SNX29: variants seen among roughly 807,000 people sequenced by gnomAD.
SNX29 encodes sorting nexin 29, also known as sorting nexin-29.
In SNX29, 78 loss-of-function variants were observed where a neutral mutation model predicts 102.1. The observed-to-expected ratio is 0.76, with a 90% confidence interval of 0.64 to 0.92. SNX29 has a LOEUF of 0.92. SNX29 is among the 40% of genes least tolerant of loss of function. SNX29 has a pLI of 0.00. For missense variants in SNX29, 1,280 were observed against 1,061.7 expected, an observed-to-expected ratio of 1.21 and a Z score of -2.86; for synonymous variants, 580 against 414.5, an observed-to-expected ratio of 1.40 and a Z score of -4.85.
intron 20 of SNX29, among the ~76,000 whole-genome samples, chr16:12,551,505 C>T (rs980347311): frequency 3.9e-5 from 6 of 152,210 alleles, no homozygotes; most frequent in African/African-American, 1.4e-4. Context: ...CTTTGGGCCT[C>T]AGCATCAGGA....
At chr16:12,389,873 G>A (rs148831327) in intron 16 of SNX29, among the ~76,000 whole-genome samples, 33 of 152,330 alleles carry the variant, frequency 2.2e-4, no homozygotes, top group Middle Eastern at 3.4e-3. Flanking sequence ...CCACTGTAAG[G>A]CTGCTCATTG....
At chr16:12,218,018 T>C (rs996962210) in intron 14 of SNX29, among the ~76,000 whole-genome samples, 3 of 152,228 alleles carry the variant, frequency 2.0e-5, no homozygotes, top group Admixed American at 2.0e-4. Context: ...GGACAATTTT[T>C]AGCTGGAGAG....
intron 3 of SNX29, among the ~76,000 whole-genome samples, chr16:12,022,052 T>A (rs1007557424): frequency 6.6e-6 from 1 of 151,692 alleles, no homozygotes; most frequent in African/African-American, 2.4e-5. Context: ...ACAACTCTTT[T>A]GCTGCTTTAT....
At chr16:12,013,500 A>AAATATAT in intron 3 of SNX29, among the ~76,000 whole-genome samples, 16 of 31,606 alleles carry the variant, frequency 5.1e-4, no homozygotes, top group African/African-American at 8.8e-4. Context: ...AAAAAAAAAA[A>AAATATAT]ATATATATAT....
chr16:12,561,995 G>T (rs1465552513), intron 20 of SNX29, among the ~76,000 whole-genome samples: 2 of 152,182 alleles, frequency 1.3e-5, no homozygotes, highest in Middle Eastern at 3.2e-3. Context: ...TGGTGACAAT[G>T]GACCCTGCAA....
chr16:12,401,488 C>G (rs1247979825), intron 17 of SNX29, among the ~76,000 whole-genome samples: 2 of 151,622 alleles, frequency 1.3e-5, no homozygotes, highest in South Asian at 2.1e-4. Context: ...CTCAGCCTCC[C>G]AAGTAGCTGG....
At chr16:11,977,391 C>A (rs2055325941) in intron 1 of SNX29, 1 of 153,162 alleles carries the variant, frequency 6.5e-6, no homozygotes, top group African/African-American at 2.4e-5. Flanking sequence ...ACCCCTGTTC[C>A]CAGTGCTTTG....
intron 18 of SNX29, among the ~76,000 whole-genome samples, chr16:12,415,588 A>C (rs974591576): frequency 1.3e-5 from 2 of 152,228 alleles, no homozygotes; most frequent in Non-Finnish European, 2.9e-5. Context: ...GCACTATGCC[A>C]GGCCCAGCGT....
Position 12,570,068 on chromosome 16 carries a change from T to A in SNX29, c.*1439T>A. ...GCTCGAGGACATCTCTGGAGAATCA[T>A]CTGGAAGGTTTATACTGTGCCTTCC... On this transcript the variant is annotated 3_prime_UTR_variant, in exon 21 of 21. Transcript: ENST00000566228. 1 of 654,750 alleles carries A rather than the reference T, an allele frequency of 1.5e-6. No individual in the cohort carries two copies. Among genetic ancestry groups the A allele is most frequent in the Non-Finnish European group, 2.0e-6 (1 of 504,654 alleles). 40.6% of individuals were successfully genotyped at this position (654,750 alleles called of 1,614,324 possible).
intron 15 of SNX29, among the ~76,000 whole-genome samples, chr16:12,285,770 T>G (rs1020498896): frequency 6.6e-6 from 1 of 152,240 alleles, no homozygotes; most frequent in Non-Finnish European, 1.5e-5. Context: ...GGATTTTTTA[T>G]AAGGACTCAG....
At chr16:12,259,922 C>G (rs1271860150) in intron 14 of SNX29, among the ~76,000 whole-genome samples, 1 of 152,040 alleles carries the variant, frequency 6.6e-6, no homozygotes, top group African/African-American at 2.4e-5. Context: ...CTGCCACCCC[C>G]TAATCCCCCG....
chr16:12,304,974 A>C (rs1193645730), intron 15 of SNX29, among the ~76,000 whole-genome samples: 3 of 152,240 alleles, frequency 2.0e-5, no homozygotes, highest in African/African-American at 7.2e-5. Flanking sequence ...ATTAAAATAC[A>C]CTTAATGCTA....
At chr16:12,548,368 G>T (rs894080522) in intron 20 of SNX29, among the ~76,000 whole-genome samples, 1 of 152,186 alleles carries the variant, frequency 6.6e-6, no homozygotes, top group South Asian at 2.1e-4. Context: ...CACCCACATG[G>T]AAGGGAGTCC....
intron 13 of SNX29, among the ~76,000 whole-genome samples, chr16:12,174,875 T>A (rs2076225441): frequency 6.6e-6 from 1 of 152,160 alleles, no homozygotes; most frequent in East Asian, 1.9e-4. Flanking sequence ...ATTTTTGCTC[T>A]TTGGATTTTT....
At chr16:12,305,392 G>C (rs2080307029) in intron 15 of SNX29, among the ~76,000 whole-genome samples, 1 of 152,208 alleles carries the variant, frequency 6.6e-6, no homozygotes, top group Non-Finnish European at 1.5e-5. Flanking sequence ...GGGACCAAAG[G>C]GCACAGCGCC....
intron 18 of SNX29, among the ~76,000 whole-genome samples, chr16:12,447,014 A>T (rs114978541): frequency 0.011 from 1,606 of 151,936 alleles, 31 homozygotes; most frequent in African/African-American, 0.037. Context: ...TAATATAAAA[A>T]AAATTAGCAG....
At chr16:12,013,506 T>A (rs1441233483) in intron 3 of SNX29, among the ~76,000 whole-genome samples, 5,018 of 25,774 alleles carry the variant, frequency 0.19, 694 homozygotes, top group Non-Finnish European at 0.25. Flanking sequence ...AAAAAATATA[T>A]ATATATATAT....
At chr16:12,558,505 T>G (rs2078515207) in intron 20 of SNX29, among the ~76,000 whole-genome samples, 1 of 152,262 alleles carries the variant, frequency 6.6e-6, no homozygotes, top group Admixed American at 6.5e-5. Flanking sequence ...TAGTTTTTAA[T>G]GAGCACTGTT....
chr16:12,532,979 C>T (rs927444169), intron 20 of SNX29, among the ~76,000 whole-genome samples: 1 of 152,226 alleles, frequency 6.6e-6, no homozygotes, highest in Non-Finnish European at 1.5e-5. Flanking sequence ...CGCAGCACGG[C>T]TGTGGTGGCA....
Sources: allele counts gnomAD v4.1 joint callset (sites outside exome capture counted in the v4.1 genomes callset), GRCh38; gene constraint gnomAD v4.1.1; transcripts MANE v1.5; gene names NCBI Gene and HGNC (gene_info 2026-07-23, HGNC 2026-07-21).